The following KCNH7 variants were observed in gnomAD, a reference collection of about 807,000 sequenced individuals.
KCNH7 encodes the protein voltage-gated inwardly rectifying potassium channel KCNH7.
KCNH7 carries 49 observed loss-of-function variants against 120.8 expected under a neutral mutation model. That is an observed-to-expected ratio of 0.41 (90% CI 0.32 to 0.51). The LOEUF is 0.51. KCNH7 is among the 20% of genes least tolerant of loss of function. The probability of loss-of-function intolerance (pLI) is 0.38; values close to 1 mark genes in which losing one functional copy is unlikely to be tolerated. For synonymous variants in KCNH7, 547 were observed against 516.1 expected (o/e 1.06, Z -0.81); for missense variants, 1,097 against 1,446.6 (o/e 0.76, Z 3.92).
intron 2 of KCNH7, among the ~76,000 whole-genome samples, chr2:162,664,960 G>A (rs1455914538): frequency 1.3e-5 from 2 of 152,114 alleles, no homozygotes; most frequent in Non-Finnish European, 2.9e-5. Context: ...TAGTTCAGAT[G>A]TGGAGATGTT....
chr2:162,563,688 T>A (rs1456996923), intron 2 of KCNH7, among the ~76,000 whole-genome samples: 3 of 152,160 alleles, frequency 2.0e-5, no homozygotes, highest in Non-Finnish European at 4.4e-5. Flanking sequence ...TAACACAGCA[T>A]GTTGGCTGTT....
chr2:162,537,079 C>T lies in KCNH7; in HGVS notation c.309G>A (p.Gly103=), dbSNP rs770926078. 4.7e-5 allele frequency: 75 copies of T among 1,599,002 alleles called. 1 individual carries two copies. The highest frequency in any genetic ancestry group is 5.7e-5 in the Non-Finnish European group (67 of 1,169,896). ...TGTGAGTGTTACAAATAAAAGTGGA[C>T]CCTAAGGAGATTAAAAATGAATGTT... ...KVEVTYYHKN[G]STFICNTHII... The change falls in exon 3 of 16, where the codon GGG becomes GGA. Residue 103 remains glycine (G), a splice_region_variant and synonymous_variant. Coordinates refer to ENST00000332142, the MANE Select transcript of KCNH7 (RefSeq NM_033272.4).
In KCNH7 at chr2:162,709,964, G is replaced by A. The variant is rs546829797; in HGVS notation, c.307+126573C>T. Among the ~76,000 whole-genome samples, 6 of 152,258 alleles carry A rather than the reference G, an allele frequency of 3.9e-5. No homozygotes were observed. The South Asian group carries it at 1.2e-3, about 32-fold the overall frequency. On this transcript the variant is annotated intron_variant, in intron 2 of 15. Transcript: ENST00000332142. Reference sequence around the variant, plus strand: ...GTTTAACAGTAGATGTTGAAAGGATGAGAGTAGATATTGAAGGGAACCCAC... The same window carrying A: ...GTTTAACAGTAGATGTTGAAAGGATAAGAGTAGATATTGAAGGGAACCCAC...
chr2:162,435,987 T>A (rs1291981626), intron 7 of KCNH7, among the ~76,000 whole-genome samples: 1 of 152,140 alleles, frequency 6.6e-6, no homozygotes, highest in East Asian at 1.9e-4. Context: ...ACTTTCCTAA[T>A]AGAGACAGCT....
intron 2 of KCNH7, chr2:162,769,039 T>C (rs935176662): frequency 1.2e-4 from 18 of 152,340 alleles, no homozygotes; most frequent in Non-Finnish European, 2.4e-4. Context: ...ATTTCCGTTG[T>C]CAGATTATTC....
intron 6 of KCNH7, among the ~76,000 whole-genome samples, chr2:162,472,738 G>T (rs1173620144): frequency 4.3e-4 from 66 of 152,198 alleles, no homozygotes; most frequent in Admixed American, 3.5e-3. Flanking sequence ...CCCATTACTG[G>T]GTATACACCC....
intron 2 of KCNH7, among the ~76,000 whole-genome samples, chr2:162,701,821 G>A (rs878937029): frequency 2.0e-5 from 3 of 152,002 alleles, no homozygotes; most frequent in Admixed American, 2.0e-4. Flanking sequence ...AACCTGGTCA[G>A]CATGGTGAAA....
intron 13 of KCNH7, among the ~76,000 whole-genome samples, chr2:162,383,287 T>A (rs565264287): frequency 6.6e-6 from 1 of 152,096 alleles, no homozygotes; most frequent in Admixed American, 6.6e-5. Context: ...ACAACCTGTT[T>A]CTATTTTTAG....
intron 9 of KCNH7, among the ~76,000 whole-genome samples, chr2:162,404,076 G>A (rs754534565): frequency 4.0e-5 from 6 of 151,708 alleles, no homozygotes; most frequent in Non-Finnish European, 8.8e-5. Context: ...TCTGACATAG[G>A]ACCTCCTCAT....
At chr2:162,527,644 T>C (rs549316180) in intron 3 of KCNH7, among the ~76,000 whole-genome samples, 1 of 152,122 alleles carries the variant, frequency 6.6e-6, no homozygotes, top group Admixed American at 6.5e-5. Flanking sequence ...CTATATTTTG[T>C]GTGGTTAGGC....
intron 2 of KCNH7, among the ~76,000 whole-genome samples, chr2:162,743,270 T>A (rs1164258832): frequency 6.6e-6 from 1 of 152,182 alleles, no homozygotes; most frequent in Non-Finnish European, 1.5e-5. Flanking sequence ...TTGTGTGCCT[T>A]GTGCATTTGT....
intron 2 of KCNH7, among the ~76,000 whole-genome samples, chr2:162,736,966 C>G (rs543706133): frequency 6.6e-6 from 1 of 151,960 alleles, no homozygotes; most frequent in South Asian, 2.1e-4. Context: ...ATTCATAGAT[C>G]GAGGCACCTA....
intron 6 of KCNH7, among the ~76,000 whole-genome samples, chr2:162,461,544 T>C (rs1219898832): frequency 6.6e-6 from 1 of 152,240 alleles, no homozygotes; most frequent in African/African-American, 2.4e-5. Context: ...AGTTATTGAA[T>C]GAACCCAGCT....
rs762955548 is a variant in KCNH7 at position 162,379,953 on chromosome 2, C to T, written c.3031G>A (p.Ala1011Thr). ...ATACCCCAGGCAGCTCGCTGAAGTG[C>T]AGATGGACTGGAGTCTTCAGGCTGG... ...HPQPEDSSPSALQRAAWGISE... is the reference protein window; with the variant it reads ...HPQPEDSSPSTLQRAAWGISE... Residue 1011 changes from alanine (A) to threonine (T), a missense_variant, in exon 14 of 16, where the codon GCA becomes ACA. Physicochemically the swap from Ala to Thr is moderately conservative, Grantham distance 58. This residue lies in a region of KCNH7 where 406 missense variants were observed against 410.5 expected (regional missense o/e 0.99). Transcript: ENST00000332142. 3.7e-6 allele frequency: 6 copies of T among 1,614,042 alleles called. No homozygotes were observed. The Admixed American group carries it at 1.0e-4, about 27-fold the overall frequency.
chr2:162,636,217 A>G (rs1683957567), intron 2 of KCNH7, among the ~76,000 whole-genome samples: 1 of 152,118 alleles, frequency 6.6e-6, no homozygotes. Flanking sequence ...AAATCAGGGT[A>G]AATTAGAATC....
At chr2:162,554,027 C>G (rs1192638931) in intron 2 of KCNH7, among the ~76,000 whole-genome samples, 1 of 152,172 alleles carries the variant, frequency 6.6e-6, no homozygotes, top group Non-Finnish European at 1.5e-5. Flanking sequence ...CCTCCCATGC[C>G]TGGATCAATT....
chr2:162,752,964 A>AAAAGAAAAGAAAAGAAAAGAAAAG (rs1688637808), intron 2 of KCNH7, among the ~76,000 whole-genome samples: 4 of 115,326 alleles, frequency 3.5e-5, no homozygotes, highest in Admixed American at 3.3e-4. Flanking sequence ...AAAAGAAAAG[A>AAAAGAAAAGAAAAGAAAAGAAAAG]AAAGAAAAGA....
chr2:162,563,390 T>C (rs1693140899), intron 2 of KCNH7, among the ~76,000 whole-genome samples: 1 of 152,174 alleles, frequency 6.6e-6, no homozygotes, highest in Non-Finnish European at 1.5e-5. Context: ...TATTTCTTGA[T>C]TAACACAATA....
intron 6 of KCNH7, among the ~76,000 whole-genome samples, chr2:162,479,060 T>C (rs921154151): frequency 2.0e-5 from 3 of 151,694 alleles, no homozygotes; most frequent in Admixed American, 6.6e-5. Context: ...GGTACAGTAC[T>C]GCACTCTAAA....
Sources: gnomAD v4.1 joint callset for allele counts (sites outside exome capture counted in the v4.1 genomes callset) on GRCh38, gnomAD v4.1.1 for gene constraint, gnomAD v4.1.1 regional missense constraint, MANE v1.5 for transcripts, NCBI Gene and HGNC (gene_info 2026-07-23, HGNC 2026-07-21) for gene names.